NBEA: variants seen among roughly 807,000 people sequenced by gnomAD.
NBEA encodes neurobeachin.
In NBEA, 44 loss-of-function variants were observed where a neutral mutation model predicts 343.4. That is an observed-to-expected ratio of 0.13 (90% CI 0.10 to 0.16). NBEA has a LOEUF of 0.16. Among genes scored for constraint, NBEA ranks in the 10% least tolerant of loss-of-function variants. NBEA has a pLI of 1.00. For synonymous variants in NBEA, 1,175 were observed against 1,238.7 expected (o/e 0.95, Z 1.08); for missense variants, 2,555 against 3,631.3 (o/e 0.70, Z 7.62).
At chr13:35,631,296 T>A (rs542523305) in intron 49 of NBEA, among the ~76,000 whole-genome samples, 50 of 152,322 alleles carry the variant, frequency 3.3e-4, no homozygotes, top group East Asian at 1.5e-3. Flanking sequence ...TACCTTTTTT[T>A]AAAACATTCT....
intron 1 of NBEA, among the ~76,000 whole-genome samples, chr13:35,008,537 T>A (rs546572212): frequency 6.6e-6 from 1 of 152,208 alleles, no homozygotes; most frequent in Non-Finnish European, 1.5e-5. Flanking sequence ...TCCCCAAATA[T>A]TTTTGATCCA....
chr13:35,522,385 T>G (rs1305810441), intron 41 of NBEA, among the ~76,000 whole-genome samples: 2 of 143,554 alleles, frequency 1.4e-5, no homozygotes, highest in African/African-American at 2.6e-5. Context: ...GGAGAATCAC[T>G]TGAACCCGGG....
chr13:35,275,814 C>G (rs2034542867), intron 34 of NBEA, among the ~76,000 whole-genome samples: 1 of 152,150 alleles, frequency 6.6e-6, no homozygotes, highest in Admixed American at 6.6e-5. Context: ...GATACCATCT[C>G]ATGCCAGTTA....
chr13:35,546,729 A>T (rs945877568), intron 41 of NBEA, among the ~76,000 whole-genome samples: 2 of 151,638 alleles, frequency 1.3e-5, no homozygotes, highest in African/African-American at 4.8e-5. Flanking sequence ...ATTTTTTTGT[A>T]TTTTTAGCAG....
chr13:35,428,611 G>A (rs1342222732), intron 38 of NBEA, among the ~76,000 whole-genome samples: 1 of 152,022 alleles, frequency 6.6e-6, no homozygotes, highest in East Asian at 1.9e-4. Flanking sequence ...CTATTTCTTT[G>A]CTAAGTGTAT....
At chr13:35,161,247 G>A (rs890714512) in intron 22 of NBEA, among the ~76,000 whole-genome samples, 8 of 152,034 alleles carry the variant, frequency 5.3e-5, no homozygotes, top group African/African-American at 1.9e-4. Context: ...ACATTTTTCT[G>A]GTTTGTTTTC....
chr13:35,104,457 T>A (rs146686372), intron 11 of NBEA, among the ~76,000 whole-genome samples: 1 of 152,082 alleles, frequency 6.6e-6, no homozygotes, highest in East Asian at 1.9e-4. Context: ...AGAACAGTGC[T>A]TAGCTCAGTA....
chr13:35,466,313 A>C (rs2075385004), intron 40 of NBEA, among the ~76,000 whole-genome samples: 1 of 152,202 alleles, frequency 6.6e-6, no homozygotes, highest in Non-Finnish European at 1.5e-5. Context: ...CTTTTGTGTA[A>C]AATTTGAGTT....
intron 38 of NBEA, among the ~76,000 whole-genome samples, chr13:35,414,210 A>T (rs923904247): frequency 9.3e-5 from 14 of 150,626 alleles, no homozygotes; most frequent in African/African-American, 3.4e-4. Context: ...ACAAATTATT[A>T]ATAATAGTCA....
At chr13:35,536,941 T>C (rs2078585003) in intron 41 of NBEA, among the ~76,000 whole-genome samples, 1 of 152,202 alleles carries the variant, frequency 6.6e-6, no homozygotes, top group Admixed American at 6.5e-5. Context: ...CCCCTGGAAC[T>C]GGCCAGGGGG....
intron 36 of NBEA, among the ~76,000 whole-genome samples, chr13:35,312,405 G>A (rs1179383981): frequency 2.6e-5 from 4 of 152,130 alleles, no homozygotes; most frequent in Admixed American, 2.6e-4. Context: ...GAGGACTAGC[G>A]GCAAGAGAAT....
At chr13:35,438,952 A>C (rs2045587772) in intron 39 of NBEA, among the ~76,000 whole-genome samples, 1 of 152,206 alleles carries the variant, frequency 6.6e-6, no homozygotes. Context: ...GTAGATTTTA[A>C]ACAGACTCAG....
chr13:35,247,050 G>A (rs1050800716), intron 34 of NBEA, among the ~76,000 whole-genome samples: 1 of 152,066 alleles, frequency 6.6e-6, no homozygotes, highest in African/African-American at 2.4e-5. Context: ...TGTCAAGCAG[G>A]TTGTCAGGGA....
chr13:35,518,407 A>G (rs2077566726), intron 41 of NBEA, among the ~76,000 whole-genome samples: 2 of 152,170 alleles, frequency 1.3e-5, no homozygotes, highest in African/African-American at 4.8e-5. Flanking sequence ...CCAAATCACA[A>G]AAGCAGTAAA....
At chr13:35,485,454 C>A (rs1036057267) in intron 41 of NBEA, among the ~76,000 whole-genome samples, 1 of 152,074 alleles carries the variant, frequency 6.6e-6, no homozygotes, top group African/African-American at 2.4e-5. Flanking sequence ...CTAGAGGCAA[C>A]CTGCTAATTA....
intron 38 of NBEA, among the ~76,000 whole-genome samples, chr13:35,387,890 G>C (rs1332053448): frequency 6.6e-6 from 1 of 151,936 alleles, no homozygotes; most frequent in Non-Finnish European, 1.5e-5. Flanking sequence ...TATCCCCTTC[G>C]CCTTTTCCCT....
At chr13:35,634,893 G>C (rs968051379) in intron 49 of NBEA, among the ~76,000 whole-genome samples, 1 of 152,072 alleles carries the variant, frequency 6.6e-6, no homozygotes, top group Non-Finnish European at 1.5e-5. Flanking sequence ...TATGCCCATA[G>C]GAAGTAGGCT....
intron 49 of NBEA, among the ~76,000 whole-genome samples, chr13:35,640,899 G>A (rs1303342749): frequency 6.6e-6 from 1 of 151,490 alleles, no homozygotes; most frequent in Non-Finnish European, 1.5e-5. Context: ...CTTCCTCAAG[G>A]TGTTCAACCT....
intron 1 of NBEA, among the ~76,000 whole-genome samples, chr13:34,988,391 G>A (rs1211859498): frequency 6.6e-6 from 1 of 151,242 alleles, no homozygotes; most frequent in South Asian, 2.1e-4. Context: ...GCTATGCCCT[G>A]CCCCCAGAGG....
Sources: gnomAD v4.1 joint callset for allele counts (sites outside exome capture counted in the v4.1 genomes callset) on GRCh38, gnomAD v4.1.1 for gene constraint, MANE v1.5 for transcripts, NCBI Gene and HGNC (gene_info 2026-07-23, HGNC 2026-07-21) for gene names.